The following ARSD variants were observed in gnomAD, a reference collection of about 807,000 sequenced individuals.
ARSD encodes the protein testis tissue sperm-binding protein Li 39a.
Under a neutral mutation model 32.6 loss-of-function variants are expected in ARSD, and 21 were observed. That is an observed-to-expected ratio of 0.64 (90% confidence interval 0.46 to 0.93). The LOEUF is 0.93. ARSD is among the 40% of genes least tolerant of loss of function. The probability of loss-of-function intolerance (pLI) is 0.00; values close to 1 mark genes in which losing one functional copy is unlikely to be tolerated. For synonymous variants in ARSD, 224 were observed against 237.4 expected (o/e 0.94, Z 0.52); for missense variants, 454 against 520.9 (o/e 0.87, Z 1.25).
intron 3 of ARSD, among the ~76,000 whole-genome samples, chrX:2,921,400 CTCT>C (rs1318231586): frequency 3.6e-5 from 4 of 111,974 alleles, no homozygotes; most frequent in Non-Finnish European, 7.5e-5. Flanking sequence ...TATCAATCAT[CTCT>C]TATCTAGCTA....
chrX:2,913,817 G>A, intron 6 of ARSD: 3 of 741,892 alleles, frequency 4.0e-6, no homozygotes, highest in Non-Finnish European at 5.2e-6. Flanking sequence ...CTGGGGGGAG[G>A]TGACTGAATG....
At chrX:2,927,928 A>G (rs911690884) in intron 1 of ARSD, among the ~76,000 whole-genome samples, 2 of 111,914 alleles carry the variant, frequency 1.8e-5, no homozygotes, top group East Asian at 2.8e-4. Context: ...TGGACCCAAG[A>G]AGATTATGTA....
At chrX:2,926,907 G>A in intron 1 of ARSD, among the ~76,000 whole-genome samples, 1 of 110,634 alleles carries the variant, frequency 9.0e-6, no homozygotes, top group Non-Finnish European at 1.9e-5. Flanking sequence ...ATTGATTCAA[G>A]CAGTCCTTGA....
chrX:2,909,734 C>A, intron 8 of ARSD, 83 bp downstream of exon 8: 1 of 931,293 alleles, frequency 1.1e-6, no homozygotes, highest in Non-Finnish European at 1.4e-6. Context: ...ACCACCTGTT[C>A]CCCAAAATCC....
intron 2 of ARSD, among the ~76,000 whole-genome samples, chrX:2,923,593 G>A (rs747100062): frequency 1.8e-5 from 2 of 112,263 alleles, no homozygotes; most frequent in South Asian, 7.4e-4. Context: ...CCCTGGGCTC[G>A]TAGACACCAT....
chrX:2,910,467 C>A (rs1180917990), intron 7 of ARSD, among the ~76,000 whole-genome samples, 192 bp downstream of exon 7: 5 of 110,373 alleles, frequency 4.5e-5, no homozygotes, highest in Non-Finnish European at 1.9e-5. Flanking sequence ...AAATGTAAAC[C>A]CTTTAAAGGA....
rs763781493 is a variant in ARSD, at chrX:2,918,014, T to C, written c.653A>G (p.Gln218Arg). Residue 218 changes from glutamine (Q) to arginine (R), a missense_variant, in exon 5 of 10, where the codon CAG (glutamine) becomes CGG (arginine). Gln to Arg is a conservative substitution (Grantham distance 43, BLOSUM62 1). Around this residue, in one of 3 missense-constraint regions of ARSD, gnomAD observed 271 missense variants for 301.0 expected, o/e 0.90. Transcript: ENST00000381154. ...GGAGACAGAGAAGAAACCGCAGGTC[T>C]GGCCGGCAGCCAGGGTGAGAATCCC... ...ALGILTLAAG[Q>R]TCGFFSVSAR... is the part of the protein sequence containing the mutation. 5.0e-6 allele frequency: 6 copies of C among 1,206,052 alleles called. No individual in the cohort carries two copies. In the African/African-American group the frequency reaches 1.0e-4, roughly 21 times the overall value.
At chrX:2,929,206 G>A in intron 1 of ARSD, 26 bp downstream of exon 1, 1 of 1,040,043 alleles carries the variant, frequency 9.6e-7, no homozygotes, top group Non-Finnish European at 1.2e-6. Flanking sequence ...GCCTTAGTAT[G>A]GGCCGCGTCC....
chrX:2,922,842 C>CAAAAAAAAAAAAAAAAAAAAAAAAAAA (rs60380048), intron 2 of ARSD, among the ~76,000 whole-genome samples: 7 of 43,721 alleles, frequency 1.6e-4, no homozygotes, highest in African/African-American at 2.2e-4. Context: ...GACCGTGTCT[C>CAAAAAAAAAAAAAAAAAAAAAAAAAAA]AAAAAAAAAA....
Position 2,913,282 on chromosome X carries a change from C to G in ARSD, c.1000+2274G>C, listed in dbSNP as rs747961451. The stretch of plus-strand genomic sequence containing the variant: ...AGCTTTTATCATGCAGATGAAGCCT[C>G]TAGGTGGCAGGCTTCAGAGAAAATA... On this transcript the variant is annotated intron_variant, in intron 6 of 9. Coordinates refer to ENST00000381154, the MANE Select transcript of ARSD (RefSeq NM_001669.4). 8.0e-5 allele frequency among the ~76,000 whole-genome samples: 9 copies of G among 112,086 alleles called. No individual in the cohort carries two copies. The South Asian group carries it at 3.0e-3, about 37-fold the overall frequency.
chrX:2,922,925 T>A (rs2089045606), intron 2 of ARSD, among the ~76,000 whole-genome samples: 1 of 98,105 alleles, frequency 1.0e-5, no homozygotes, highest in African/African-American at 3.9e-5. Context: ...CCAAAAGAGG[T>A]ATCCACATAG....
Position 2,904,974 on chromosome X carries a change from C to T in ARSD, c.*2297G>A, listed in dbSNP as rs756629690. 5.9e-6 allele frequency: 2 copies of T among 336,960 alleles called. No homozygotes were observed. The highest frequency in any genetic ancestry group is 2.6e-5 in the South Asian group (1 of 37,745). 27.8% of individuals were successfully genotyped at this position (336,960 alleles called of 1,213,427 possible). A position where few individuals can be genotyped will look rare whatever the true frequency, so the allele number is the denominator to read the frequency against. Reference sequence around the variant, plus strand: ...CCTGTGTGTCCCTCCAGATCCCTCTCCAGCCCTAGAAACCTGAGCTCTATA... The same window carrying T: ...CCTGTGTGTCCCTCCAGATCCCTCTTCAGCCCTAGAAACCTGAGCTCTATA... On this transcript the variant is annotated 3_prime_UTR_variant, in exon 10 of 10. Transcript: ENST00000381154.
rs762873948 is a variant in ARSD at position 2,915,446 on chromosome X, C to A, written c.1000+110G>T. 4.8e-5 allele frequency: 53 copies of A among 1,097,459 alleles called. No homozygotes were observed. The Admixed American group carries it at 5.3e-4, about 11-fold the overall frequency. The allele number at this position is 1,097,459 out of a possible 1,213,427, so 90.4% of individuals were successfully genotyped here. On this transcript the variant is annotated intron_variant, in intron 6 of 9. Coordinates refer to ENST00000381154, the MANE Select transcript of ARSD (RefSeq NM_001669.4). ...CTGGGATTACAGGCGTGAGCCACCG[C>A]CCTTATTCTTTATTGCAAGTTGGTT...
intron 3 of ARSD, among the ~76,000 whole-genome samples, chrX:2,921,383 CATT>C (rs1024212251): frequency 8.9e-6 from 1 of 111,818 alleles, no homozygotes; most frequent in African/African-American, 3.3e-5. Flanking sequence ...TATCATCTAT[CATT>C]ATCTATCAAT....
Position 2,917,843 on chromosome X carries a change from G to A in ARSD, c.824C>T (p.Ala275Val), listed in dbSNP as rs1337322062. ...AACAGCTTCCTTTAGCATAAGACTC[G>A]CTGTTTTCTCCAGAACCATGGGTTG... ...TEQPMVLEKT[A>V]SLMLKEAVSY... Residue 275 changes from alanine to valine, a missense_variant, in exon 5 of 10, where the codon GCG (alanine) becomes GTG (valine). This residue lies in a region of ARSD where 271 missense variants were observed against 301.0 expected (regional missense o/e 0.90). Transcript: ENST00000381154. 3.3e-6 allele frequency: 4 copies of A among 1,210,850 alleles called. No individual in the cohort carries two copies. Among genetic ancestry groups the A allele is most frequent in the Non-Finnish European group, 4.5e-6 (4 of 894,836 alleles).
chrX:2,918,780 T>G (rs1569090509), intron 4 of ARSD, among the ~76,000 whole-genome samples: 3 of 109,022 alleles, frequency 2.8e-5, no homozygotes, highest in African/African-American at 1.0e-4. Context: ...TTAAAAAAAG[T>G]GAGAGAGAAA....
intron 6 of ARSD, among the ~76,000 whole-genome samples, chrX:2,911,735 T>A (rs68151227): frequency 0.087 from 9,168 of 105,460 alleles, 526 homozygotes; most frequent in East Asian, 0.44. Flanking sequence ...TCAGGCCATG[T>A]TGGAAAGTAG....
rs73632953 is a variant in ARSD, at chrX:2,914,674, T to C, written c.1000+882A>G. 38 of 1,026,096 alleles carry C rather than the reference T, an allele frequency of 3.7e-5. No homozygotes were observed. Among genetic ancestry groups the C allele is most frequent in the Non-Finnish European group, 5.1e-6 (4 of 778,343 alleles). 84.6% of individuals were successfully genotyped at this position (1,026,096 alleles called of 1,213,427 possible). On this transcript the variant is annotated intron_variant, in intron 6 of 9. Coordinates refer to ENST00000381154, the MANE Select transcript of ARSD (RefSeq NM_001669.4). ...CCTCACTGGTCCTCTCCAGGGTTTC[T>C]TGAAGGCCATAGAAGGAAGACAGCG... is the stretch of plus-strand genomic sequence containing the variant.
At chrX:2,908,297 T>C (rs1217482196) in intron 9 of ARSD, among the ~76,000 whole-genome samples, 4 of 111,104 alleles carry the variant, frequency 3.6e-5, no homozygotes, top group African/African-American at 1.3e-4. Context: ...CTATCATCTA[T>C]CTTATCTATC....
Sources: allele counts gnomAD v4.1 joint callset (sites outside exome capture counted in the v4.1 genomes callset), GRCh38; gene constraint gnomAD v4.1.1; regional missense constraint gnomAD v4.1.1; transcripts MANE v1.5; gene names NCBI Gene and HGNC (gene_info 2026-07-23, HGNC 2026-07-21).